The following ADAMTSL2 variants were observed in gnomAD, a reference collection of about 807,000 sequenced individuals.
ADAMTSL2 encodes ADAMTS-like protein 2.
In ADAMTSL2, 55 loss-of-function variants were observed where a neutral mutation model predicts 117.0. That is an observed-to-expected ratio of 0.47 (90% CI 0.38 to 0.59). The LOEUF (loss-of-function observed/expected upper bound fraction) is 0.59. ADAMTSL2 is among the 20% of genes least tolerant of loss of function. ADAMTSL2 has a pLI of 0.00. For missense variants in ADAMTSL2, 1,182 were observed against 1,354.5 expected (o/e 0.87, Z 2.00); for synonymous variants, 572 against 566.4 (o/e 1.01, Z -0.14).
At chr9:133,568,155 C>G in intron 13 of ADAMTSL2, 118 bp from the exon 14 acceptor site, 1 of 1,054,074 alleles carries the variant, frequency 9.5e-7, no homozygotes, top group Non-Finnish European at 1.4e-6. Context: ...TTGTTGTGTG[C>G]GGTTTTGGAC....
intron 7 of ADAMTSL2, among the ~76,000 whole-genome samples, chr9:133,543,341 T>C (rs1830270109): frequency 6.6e-6 from 1 of 152,256 alleles, no homozygotes; most frequent in African/African-American, 2.4e-5. Flanking sequence ...AGTCGCTTGC[T>C]TCAAGCTTCT....
Position 133,568,218 on chromosome 9 carries a change from T to C in ADAMTSL2, c.1875-55T>C, listed in dbSNP as rs1185574807. ...GTTGTCTCTGGGGGTGTGGGTTGCA[T>C]GGGGTCCCGGCTGCCATGGGGGGGA... is the stretch of plus-strand genomic sequence containing the variant. On this transcript the variant is annotated intron_variant, in intron 13 of 18. Transcript: ENST00000651351. 8.5e-6 allele frequency: 13 copies of C among 1,524,686 alleles called. No homozygotes were observed. The African/African-American group carries it at 1.8e-4, about 21-fold the overall frequency. The allele number at this position is 1,524,686 out of a possible 1,614,324, so 94.4% of individuals were successfully genotyped here. A position where few individuals can be genotyped will look rare whatever the true frequency, so the allele number is the denominator to read the frequency against.
chr9:133,548,479 A>C (rs1355851166), intron 9 of ADAMTSL2, among the ~76,000 whole-genome samples: 1 of 151,616 alleles, frequency 6.6e-6, no homozygotes, highest in African/African-American at 2.4e-5. Flanking sequence ...GTCCCCAGAA[A>C]ATAGACTCTG....
In ADAMTSL2 at chr9:133,537,300, G is replaced by A. The variant is rs1830075412; in HGVS notation, c.91-105G>A. On this transcript the variant is annotated intron_variant, in intron 2 of 18. Transcript: ENST00000651351. ...CAAGGGGGCCCAGCCAGGGGGCTGT[G>A]TCTTCTGGTCCCGCTGACGGTGATA... The A allele has an allele frequency of 8.1e-6, 10 of 1,233,372 alleles. No homozygotes were observed. The South Asian group carries it at 3.0e-4, about 37-fold the overall frequency. 76.4% of individuals were successfully genotyped at this position (1,233,372 alleles called of 1,614,324 possible).
chr9:133,545,689 G>A (rs566055711), intron 8 of ADAMTSL2, among the ~76,000 whole-genome samples: 3 of 152,320 alleles, frequency 2.0e-5, no homozygotes, highest in African/African-American at 7.2e-5. Context: ...CTCTGAGCTG[G>A]CTGCAAAGCT....
intron 9 of ADAMTSL2, among the ~76,000 whole-genome samples, chr9:133,548,171 G>T (rs1830398816): frequency 6.6e-6 from 1 of 152,236 alleles, no homozygotes; most frequent in African/African-American, 2.4e-5. Flanking sequence ...GGCACAGAGC[G>T]AGTGACTTGC....
intron 9 of ADAMTSL2, among the ~76,000 whole-genome samples, chr9:133,551,812 CTTTTTTTT>C (rs56225051): frequency 9.0e-5 from 10 of 111,094 alleles, no homozygotes; most frequent in Middle Eastern, 4.6e-3. Context: ...AAAGCAGCAG[CTTTTTTTT>C]TTTTTTTTTT....
Position 133,534,917 on chromosome 9 carries a change from G to C in ADAMTSL2, c.-151G>C. 7.2e-7 allele frequency: 1 copy of C among 1,395,458 alleles called. No individual in the cohort carries two copies. The highest frequency in any genetic ancestry group is 9.4e-7 in the Non-Finnish European group (1 of 1,067,874). The allele number at this position is 1,395,458 out of a possible 1,614,324, so 86.4% of individuals were successfully genotyped here. On this transcript the variant is annotated splice_region_variant and 5_prime_UTR_variant, in exon 1 of 19. Transcript: ENST00000651351. ...AGGACAACCTGCTGACCCGAAGCCAGGTAGGCCACCTCGTCCCCGTCCCCC... is the reference window on the plus strand; with the variant it reads ...AGGACAACCTGCTGACCCGAAGCCACGTAGGCCACCTCGTCCCCGTCCCCC...
intron 13 of ADAMTSL2, among the ~76,000 whole-genome samples, chr9:133,567,342 G>A (rs1164118399): frequency 6.6e-6 from 1 of 152,218 alleles, no homozygotes; most frequent in Non-Finnish European, 1.5e-5. Context: ...ATATTACAGC[G>A]GTATCTTTGC....
chr9:133,573,992 G>A lies in ADAMTSL2; in HGVS notation c.2737+5G>A. 2 of 1,611,372 alleles carry A rather than the reference G, an allele frequency of 1.2e-6. No homozygotes were observed. The highest frequency in any genetic ancestry group is 1.7e-6 in the Non-Finnish European group (2 of 1,179,112). The stretch of plus-strand genomic sequence containing the variant: ...CCTGCCCCACGGAGCCCCCAGGTGA[G>A]GCGCGGGGAGGCCGAGGGTGGCTCT... On this transcript the variant is annotated splice_donor_5th_base_variant and intron_variant, in intron 18 of 18. Transcript: ENST00000651351.
intron 9 of ADAMTSL2, among the ~76,000 whole-genome samples, chr9:133,551,176 C>T (rs1005609237): frequency 3.3e-5 from 5 of 152,206 alleles, no homozygotes; most frequent in Non-Finnish European, 7.3e-5. Context: ...TTTTTCCAGG[C>T]CAGTCCTGGA....
chr9:133,538,357 C>A lies in ADAMTSL2; in HGVS notation c.242C>A (p.Ser81Tyr), dbSNP rs200704888. ...ERHCLQQRRK[S>Y]VPGPGNRTCT... ...CTGCATCTTTCTGCCAGGAGGAAGT[C>A]CGTCCCGGGCCCCGGGAACAGGACC... The change falls in exon 4 of 19, where the codon TCC becomes TAC. Residue 81 changes from serine to tyrosine, a missense_variant. Physicochemically the swap from Ser to Tyr is moderately radical, Grantham distance 144. Transcript: ENST00000651351. The A allele has an allele frequency of 6.2e-7, 1 of 1,613,272 alleles. No individual in the cohort carries two copies. The highest frequency in any genetic ancestry group is 2.2e-5 in the East Asian group (1 of 44,878).
chr9:133,549,593 C>T (rs1034021406), intron 9 of ADAMTSL2, among the ~76,000 whole-genome samples: 57 of 146,560 alleles, frequency 3.9e-4, no homozygotes, highest in African/African-American at 1.4e-3. Flanking sequence ...CTATGTTGTC[C>T]AGGCTGGTCT....
chr9:133,560,761 G>C (rs374481171), intron 11 of ADAMTSL2, among the ~76,000 whole-genome samples: 2 of 152,192 alleles, frequency 1.3e-5, no homozygotes, highest in South Asian at 2.1e-4. Flanking sequence ...GGGTGGGAGA[G>C]AATTCTGGAA....
At chr9:133,546,961 TG>T in intron 8 of ADAMTSL2, 76 bp from the exon 9 acceptor site, 1 of 1,453,126 alleles carries the variant, frequency 6.9e-7, no homozygotes. Flanking sequence ...GGGCTGGTGG[TG>T]GTTCCCTGAG....
At chr9:133,553,753 A>T (rs1262643310) in intron 9 of ADAMTSL2, among the ~76,000 whole-genome samples, 1 of 151,800 alleles carries the variant, frequency 6.6e-6, no homozygotes, top group African/African-American at 2.4e-5. Context: ...GGAAAAAGCA[A>T]CTCCTGGAGA....
chr9:133,539,897 C>A (rs766821018), intron 5 of ADAMTSL2, 24 bp downstream of exon 5: 1 of 1,547,694 alleles, frequency 6.5e-7, no homozygotes, highest in South Asian at 1.2e-5. Flanking sequence ...TGGGGACCCA[C>A]CTTGCAGGGA....
chr9:133,570,612 C>A (rs1416268147), intron 17 of ADAMTSL2, 105 bp downstream of exon 17: 9 of 1,271,342 alleles, frequency 7.1e-6, no homozygotes, highest in Middle Eastern at 2.0e-4. Context: ...CTCCTCCCTC[C>A]CTGACAGCCT....
intron 7 of ADAMTSL2, 101 bp downstream of exon 7, chr9:133,541,102 G>C: frequency 6.6e-7 from 1 of 1,516,126 alleles, no homozygotes; most frequent in Non-Finnish European, 8.9e-7. Flanking sequence ...CACTGGGCAA[G>C]TTCTTCCCCT....
Sources: allele counts gnomAD v4.1 joint callset (sites outside exome capture counted in the v4.1 genomes callset), GRCh38; gene constraint gnomAD v4.1.1; transcripts MANE v1.5; gene names NCBI Gene and HGNC (gene_info 2026-07-23, HGNC 2026-07-21).